The following COTL1 variants were observed in gnomAD, a reference collection of about 807,000 sequenced individuals.
COTL1 encodes the protein coactosin like F-actin binding protein 1.
In COTL1, 15 loss-of-function variants were observed where a neutral mutation model predicts 16.5. That is an observed-to-expected ratio of 0.91 (90% confidence interval 0.61 to 1.40). The LOEUF (loss-of-function observed/expected upper bound fraction) is 1.40, where lower values mean the gene tolerates loss of function less well. Among genes scored for constraint, COTL1 ranks in the 40% most tolerant of loss-of-function variants. COTL1 has a pLI of 0.00. For synonymous variants in COTL1, 112 were observed against 85.3 expected, an observed-to-expected ratio of 1.31 and a Z score of -1.73; for missense variants, 220 against 201.5, an observed-to-expected ratio of 1.09 and a Z score of -0.56.
chr16:84,578,053 G>A (rs1904491853), intron 3 of COTL1, among the ~76,000 whole-genome samples: 1 of 152,114 alleles, frequency 6.6e-6, no homozygotes, highest in Non-Finnish European at 1.5e-5. Context: ...TCTCTCCGGT[G>A]TCCACAGGAG....
chr16:84,587,348 G>C (rs530129362), intron 3 of COTL1, among the ~76,000 whole-genome samples: 1 of 152,154 alleles, frequency 6.6e-6, no homozygotes, highest in Non-Finnish European at 1.5e-5. Context: ...TTTTAAAAAT[G>C]ATTATCTCGC....
chr16:84,582,824 C>A (rs771911489), intron 3 of COTL1, among the ~76,000 whole-genome samples: 6 of 152,080 alleles, frequency 3.9e-5, no homozygotes, highest in Non-Finnish European at 8.8e-5. Context: ...AAATACCTGC[C>A]CAAAGTCCTA....
intron 2 of COTL1, among the ~76,000 whole-genome samples, chr16:84,603,488 G>A (rs1905143947): frequency 6.6e-6 from 1 of 152,160 alleles, no homozygotes; most frequent in Non-Finnish European, 1.5e-5. Context: ...TCCCCCTGGA[G>A]GTCTCCTCAT....
chr16:84,566,897 T>G lies in COTL1; in HGVS notation c.377A>C (p.Lys126Thr), dbSNP rs1180849619. ...DRKELEEDFI[K>T]SELKKAGGAN... ...TCCCCCCGCCTTCTTCAGCTCGCTC[T>G]TGATGAAATCTTCCTCCAGCTCCTT... The change falls in exon 4 of 4, where the codon AAG becomes ACG. Residue 126 changes from lysine to threonine, a missense_variant. Transcript: ENST00000262428. 1 of 1,614,148 alleles carries G rather than the reference T, an allele frequency of 6.2e-7. No individual in the cohort carries two copies. Among genetic ancestry groups the G allele is most frequent in the East Asian group, 2.2e-5 (1 of 44,874 alleles).
At chr16:84,591,940 T>C (rs1425458363) in intron 2 of COTL1, among the ~76,000 whole-genome samples, 2 of 152,208 alleles carry the variant, frequency 1.3e-5, no homozygotes, top group Admixed American at 6.5e-5. Flanking sequence ...TGCGGGTGCA[T>C]GTGTACCCCA....
At chr16:84,601,372 G>C (rs951794095) in intron 2 of COTL1, among the ~76,000 whole-genome samples, 1 of 152,228 alleles carries the variant, frequency 6.6e-6, no homozygotes, top group African/African-American at 2.4e-5. Context: ...AGTTACAGGA[G>C]CATCAAGGAA....
At chr16:84,581,961 G>A (rs1215424950) in intron 3 of COTL1, among the ~76,000 whole-genome samples, 3 of 149,448 alleles carry the variant, frequency 2.0e-5, no homozygotes, top group Non-Finnish European at 4.4e-5. Context: ...GAGCCTACAT[G>A]AGCAGATACA....
At chr16:84,570,079 C>T (rs1904317475) in intron 3 of COTL1, among the ~76,000 whole-genome samples, 1 of 152,152 alleles carries the variant, frequency 6.6e-6, no homozygotes, top group African/African-American at 2.4e-5. Context: ...AGATCGAGAC[C>T]AGCCTGGCCA....
chr16:84,580,891 G>A (rs946240986), intron 3 of COTL1, among the ~76,000 whole-genome samples: 1 of 152,064 alleles, frequency 6.6e-6, no homozygotes, highest in Non-Finnish European at 1.5e-5. Context: ...CGCCTGTAAT[G>A]CCAGCACTTT....
At chr16:84,575,984 G>A (rs920457646) in intron 3 of COTL1, 3 of 152,208 alleles carry the variant, frequency 2.0e-5, no homozygotes, top group Non-Finnish European at 2.9e-5. Flanking sequence ...TCTCAGGATC[G>A]TTAGGGGAAT....
chr16:84,605,021 G>C (rs1040503406), intron 2 of COTL1, among the ~76,000 whole-genome samples: 1 of 152,250 alleles, frequency 6.6e-6, no homozygotes, highest in Admixed American at 6.5e-5. Context: ...GAACACTCGG[G>C]TTCAGGAATT....
intron 2 of COTL1, among the ~76,000 whole-genome samples, chr16:84,610,684 T>C (rs1389713250): frequency 1.3e-5 from 2 of 151,928 alleles, no homozygotes; most frequent in Admixed American, 6.6e-5. Flanking sequence ...AGGATTATTA[T>C]GAAATGGAAG....
chr16:84,600,657 G>A (rs1905090009), intron 2 of COTL1, among the ~76,000 whole-genome samples: 2 of 152,188 alleles, frequency 1.3e-5, no homozygotes, highest in South Asian at 2.1e-4. Context: ...GGGTATCTGC[G>A]TGTAGGCACA....
chr16:84,573,386 A>G (rs2966312), intron 3 of COTL1, among the ~76,000 whole-genome samples: 93,774 of 152,166 alleles, frequency 0.62, 29,151 homozygotes, highest in Middle Eastern at 0.74. Flanking sequence ...AAACAGAATC[A>G]TGAATCGCAG....
chr16:84,605,202 C>T (rs959268570), intron 2 of COTL1, among the ~76,000 whole-genome samples: 31 of 152,340 alleles, frequency 2.0e-4, no homozygotes, highest in African/African-American at 6.7e-4. Context: ...CCGTGGTCTT[C>T]CCTTCTTGTT....
intron 3 of COTL1, among the ~76,000 whole-genome samples, chr16:84,583,768 G>T (rs943835895): frequency 6.6e-6 from 1 of 151,962 alleles, no homozygotes; most frequent in Non-Finnish European, 1.5e-5. Flanking sequence ...TTAGTCCTGG[G>T]GCTCAGAAGC....
intron 2 of COTL1, among the ~76,000 whole-genome samples, chr16:84,591,890 G>C (rs531460274): frequency 1.7e-5 from 2 of 119,346 alleles, no homozygotes; most frequent in Non-Finnish European, 3.6e-5. Context: ...AAATATGTGC[G>C]TGCATGTGTA....
At chr16:84,584,311 C>T (rs574795318) in intron 3 of COTL1, among the ~76,000 whole-genome samples, 14 of 152,354 alleles carry the variant, frequency 9.2e-5, no homozygotes, top group African/African-American at 2.4e-4. Flanking sequence ...GTCTTGTTTT[C>T]CCCCAGCCAC....
chr16:84,597,632 TGGA>T (rs1371888896), intron 2 of COTL1, among the ~76,000 whole-genome samples: 2 of 151,912 alleles, frequency 1.3e-5, no homozygotes, highest in Non-Finnish European at 2.9e-5. Context: ...GAGGAAGAGG[TGGA>T]GAAGAGGAAA....
Sources: gnomAD v4.1 joint callset for allele counts (sites outside exome capture counted in the v4.1 genomes callset) on GRCh38, gnomAD v4.1.1 for gene constraint, MANE v1.5 for transcripts, NCBI Gene and HGNC (gene_info 2026-07-23, HGNC 2026-07-21) for gene names.